The following TBCE variants were observed in gnomAD, a reference collection of about 807,000 sequenced individuals.
TBCE encodes tubulin folding cofactor E.
In TBCE, 53 loss-of-function variants were observed where a neutral mutation model predicts 77.0. The ratio of observed to expected loss-of-function variants is 0.69; its 90% CI spans 0.55 to 0.87. The LOEUF is 0.87. TBCE is among the 40% of genes least tolerant of loss of function. The pLI, the probability that TBCE is intolerant of heterozygous loss-of-function variation, is 0.00. For missense variants in TBCE, 624 were observed against 622.4 expected, an observed-to-expected ratio of 1.00 and a Z score of -0.03; for synonymous variants, 235 against 241.3, an observed-to-expected ratio of 0.97 and a Z score of 0.24.
chr1:235,410,092 G>A (rs1247396046), intron 3 of TBCE, among the ~76,000 whole-genome samples: 2 of 149,954 alleles, frequency 1.3e-5, no homozygotes, highest in Non-Finnish European at 3.0e-5. Flanking sequence ...TTGCACGCCT[G>A]TAATCCCAGC....
intron 2 of TBCE, among the ~76,000 whole-genome samples, chr1:235,392,660 C>T (rs1462529691): frequency 6.6e-6 from 1 of 151,710 alleles, no homozygotes; most frequent in African/African-American, 2.4e-5. Flanking sequence ...ATCCGCCCAC[C>T]TCAGCCTCCC....
intron 3 of TBCE, among the ~76,000 whole-genome samples, chr1:235,412,167 C>CAT (rs1292978378): frequency 1.4e-3 from 6 of 4,138 alleles, no homozygotes; most frequent in African/African-American, 8.0e-3. Flanking sequence ...CTCCCCTTCC[C>CAT]CCCTCCCCTC....
At chr1:235,428,907 G>T (rs1381758823) in intron 6 of TBCE, among the ~76,000 whole-genome samples, 1 of 150,546 alleles carries the variant, frequency 6.6e-6, no homozygotes, top group African/African-American at 2.5e-5. Flanking sequence ...CTCCCAAAGT[G>T]CTGGGATTAC....
intron 2 of TBCE, among the ~76,000 whole-genome samples, chr1:235,381,232 C>T (rs995831483): frequency 3.3e-5 from 5 of 152,154 alleles, no homozygotes; most frequent in African/African-American, 1.2e-4. Context: ...CAGAGATCAC[C>T]AGTTGGTTCA....
At chr1:235,414,308 A>T in intron 3 of TBCE, 125 bp from the exon 4 acceptor site, 1 of 831,960 alleles carries the variant, frequency 1.2e-6, no homozygotes, top group South Asian at 1.4e-5. Context: ...AGTATGTGAT[A>T]TTCTCTTTTA....
At chr1:235,408,090 T>C (rs1679559460) in intron 3 of TBCE, among the ~76,000 whole-genome samples, 1 of 152,202 alleles carries the variant, frequency 6.6e-6, no homozygotes, top group African/African-American at 2.4e-5. Flanking sequence ...AGAGAGGTCG[T>C]GCTGTTCCAG....
At chr1:235,384,882 T>C (rs1485190541) in intron 2 of TBCE, among the ~76,000 whole-genome samples, 1 of 150,616 alleles carries the variant, frequency 6.6e-6, no homozygotes, top group African/African-American at 2.4e-5. Flanking sequence ...TGCTCTTGCT[T>C]TTCTAGTTCT....
intron 15 of TBCE, among the ~76,000 whole-genome samples, chr1:235,445,353 G>T (rs189863063): frequency 1.3e-5 from 2 of 152,282 alleles, no homozygotes; most frequent in East Asian, 1.9e-4. Context: ...TAATAGCCAG[G>T]CATGGTGGCT....
intron 5 of TBCE, among the ~76,000 whole-genome samples, chr1:235,425,460 A>C (rs1259449024): frequency 6.6e-6 from 1 of 152,160 alleles, no homozygotes; most frequent in African/African-American, 2.4e-5. Context: ...ACTCAGAAGC[A>C]CAGTGACTTT....
At chr1:235,372,209 CA>C (rs1374791130) in intron 1 of TBCE, among the ~76,000 whole-genome samples, 1 of 152,036 alleles carries the variant, frequency 6.6e-6, no homozygotes, top group African/African-American at 2.4e-5. Flanking sequence ...AGACGCACTC[CA>C]CCTCGCCAGG....
intron 1 of TBCE, among the ~76,000 whole-genome samples, chr1:235,371,379 T>C (rs1357424320): frequency 7.4e-5 from 10 of 135,824 alleles, no homozygotes; most frequent in Admixed American, 2.2e-4. Flanking sequence ...TTTTTTTCCC[T>C]TTTTTTTTTT....
At chr1:235,371,370 T>G (rs1676941895) in intron 1 of TBCE, among the ~76,000 whole-genome samples, 1 of 151,010 alleles carries the variant, frequency 6.6e-6, no homozygotes, top group Admixed American at 6.6e-5. Flanking sequence ...TTGTCTTTTT[T>G]TTTTTCCCTT....
At chr1:235,422,526 A>C (rs989124704) in intron 5 of TBCE, among the ~76,000 whole-genome samples, 14 of 148,716 alleles carry the variant, frequency 9.4e-5, no homozygotes, top group South Asian at 2.1e-4. Flanking sequence ...AAAAAAAAAA[A>C]CCAAAAAACA....
chr1:235,448,623 C>T (rs752345800), intron 16 of TBCE, 47 bp from the exon 17 acceptor site: 16 of 1,518,114 alleles, frequency 1.1e-5, no homozygotes, highest in Middle Eastern at 1.9e-4. Context: ...CATGCTTTAT[C>T]GGATCTGTCT....
At chr1:235,370,111 C>T (rs1656801484) in intron 1 of TBCE, among the ~76,000 whole-genome samples, 1 of 152,124 alleles carries the variant, frequency 6.6e-6, no homozygotes, top group East Asian at 1.9e-4. Context: ...TTAACATTTC[C>T]ATTGCACTCG....
intron 15 of TBCE, among the ~76,000 whole-genome samples, chr1:235,445,438 G>A (rs1682186050): frequency 1.3e-5 from 2 of 152,152 alleles, no homozygotes; most frequent in Non-Finnish European, 2.9e-5. Context: ...AGACCAGCCT[G>A]AGCAACATGG....
At chr1:235,387,611 G>A (rs898270032) in intron 2 of TBCE, among the ~76,000 whole-genome samples, 36 of 152,152 alleles carry the variant, frequency 2.4e-4, no homozygotes, top group Non-Finnish European at 4.9e-4. Context: ...GCCAGGTGCG[G>A]GATATAATCT....
intron 3 of TBCE, among the ~76,000 whole-genome samples, chr1:235,403,247 C>G (rs905456081): frequency 6.6e-6 from 1 of 152,070 alleles, no homozygotes; most frequent in African/African-American, 2.4e-5. Context: ...CACTCTGTGG[C>G]CAAGGCTGGA....
intron 8 of TBCE, 151 bp downstream of exon 8, chr1:235,434,431 G>A: frequency 1.4e-6 from 1 of 722,488 alleles, no homozygotes; most frequent in Middle Eastern, 2.7e-4. Flanking sequence ...TCACAAATTA[G>A]AATTTCACTA....
Sources: allele counts gnomAD v4.1 joint callset (sites outside exome capture counted in the v4.1 genomes callset), GRCh38; gene constraint gnomAD v4.1.1; transcripts MANE v1.5; gene names NCBI Gene and HGNC (gene_info 2026-07-23, HGNC 2026-07-21).